The following EYA2 variants were observed in gnomAD, a reference collection of about 807,000 sequenced individuals.
EYA2 encodes the protein EYA transcriptional coactivator and phosphatase 2, also known as protein phosphatase EYA2.
EYA2 carries 31 observed loss-of-function variants against 69.2 expected under a neutral mutation model. The ratio of observed to expected loss-of-function variants is 0.45; its 90% CI spans 0.34 to 0.60. The LOEUF is 0.60. Among genes scored for constraint, EYA2 ranks in the 20% least tolerant of loss-of-function variants. The probability of loss-of-function intolerance (pLI) is 0.02; values close to 1 mark genes in which losing one functional copy is unlikely to be tolerated. For synonymous variants in EYA2, 257 were observed against 279.4 expected, an observed-to-expected ratio of 0.92 and a Z score of 0.80; for missense variants, 622 against 701.2, an observed-to-expected ratio of 0.89 and a Z score of 1.28.
chr20:47,143,687 G>A (rs1314776165), intron 10 of EYA2, among the ~76,000 whole-genome samples: 4 of 152,300 alleles, frequency 2.6e-5, no homozygotes, highest in East Asian at 1.9e-4. Context: ...GGAAAAAAGC[G>A]GGAGAGCAGC....
chr20:47,185,859 CCT>C (rs879574285), intron 15 of EYA2, among the ~76,000 whole-genome samples: 3 of 151,478 alleles, frequency 2.0e-5, no homozygotes, highest in African/African-American at 7.3e-5. Flanking sequence ...TCTTTTTTTC[CCT>C]CTCTCTCTTC....
chr20:47,125,521 A>AT (rs976750841), intron 9 of EYA2, among the ~76,000 whole-genome samples: 6 of 152,102 alleles, frequency 3.9e-5, no homozygotes, highest in African/African-American at 1.4e-4. Flanking sequence ...TCTAAAAAAA[A>AT]TTTTTTTAAA....
At position 47,172,839 on chromosome 20, in the gene EYA2, G is replaced by A. The variant is rs2034351688; in HGVS notation, c.1170G>A (p.Met390Ile). 6.2e-7 allele frequency: 1 copy of A among 1,613,576 alleles called. No individual in the cohort carries two copies. Among genetic ancestry groups the A allele is most frequent in the Non-Finnish European group, 8.5e-7 (1 of 1,179,734 alleles). The stretch of plus-strand genomic sequence containing the variant: ...TCCGCTACCGGCGGGTGAAGGAGAT[G>A]TACAATACCTACAAGAACAACGTTG... Reference protein sequence around the residue: ...LAFRYRRVKEMYNTYKNNVGG... With the variant: ...LAFRYRRVKEIYNTYKNNVGG... Residue 390 changes from methionine to isoleucine, a missense_variant, in exon 12 of 16, where the codon ATG becomes ATA. Physicochemically the swap from Met to Ile is conservative, Grantham distance 10. Coordinates refer to ENST00000327619, the MANE Select transcript of EYA2 (RefSeq NM_005244.5).
At chr20:47,071,960 G>A (rs926185884) in intron 5 of EYA2, 10 of 571,018 alleles carry the variant, frequency 1.8e-5, no homozygotes, top group Admixed American at 2.9e-5. Context: ...CCAGGAGGCC[G>A]TGGTGATGCT....
intron 5 of EYA2, among the ~76,000 whole-genome samples, chr20:47,066,331 C>CA (rs879918646): frequency 1.1e-3 from 152 of 141,400 alleles, no homozygotes; most frequent in Admixed American, 2.0e-3. Context: ...GACCTTGTCT[C>CA]AAAAAAAAAA....
intron 9 of EYA2, among the ~76,000 whole-genome samples, chr20:47,133,432 G>A (rs1440152549): frequency 2.0e-5 from 3 of 152,122 alleles, no homozygotes. Context: ...GCTAATTTAC[G>A]GATGTGACTG....
At chr20:47,116,576 T>C (rs561839963) in intron 9 of EYA2, among the ~76,000 whole-genome samples, 34 of 152,306 alleles carry the variant, frequency 2.2e-4, no homozygotes, top group Non-Finnish European at 4.7e-4. Context: ...CTCCTTTGGG[T>C]GTGACGATGT....
At chr20:47,039,963 C>T (rs998753855) in intron 5 of EYA2, among the ~76,000 whole-genome samples, 2 of 151,230 alleles carry the variant, frequency 1.3e-5, no homozygotes, top group Non-Finnish European at 2.9e-5. Flanking sequence ...GCCTCAGCCT[C>T]CCGAGTAGCT....
chr20:46,927,237 A>G (rs887782145), intron 1 of EYA2, among the ~76,000 whole-genome samples: 1 of 152,198 alleles, frequency 6.6e-6, no homozygotes, highest in Non-Finnish European at 1.5e-5. Flanking sequence ...TCCCTCAGTC[A>G]GGAAAATTAC....
At chr20:47,055,462 C>A (rs555290922) in intron 5 of EYA2, among the ~76,000 whole-genome samples, 1 of 152,278 alleles carries the variant, frequency 6.6e-6, no homozygotes, top group South Asian at 2.1e-4. Context: ...GTTTAAAAGC[C>A]TTTGTCTCTG....
intron 7 of EYA2, among the ~76,000 whole-genome samples, chr20:47,079,495 G>A (rs937489331): frequency 1.4e-4 from 21 of 151,972 alleles, no homozygotes; most frequent in African/African-American, 5.1e-4. Flanking sequence ...TCCTGCCCCC[G>A]ACCCCTTATA....
chr20:47,157,997 C>T (rs575756488), intron 10 of EYA2, among the ~76,000 whole-genome samples: 13 of 152,110 alleles, frequency 8.5e-5, no homozygotes, highest in African/African-American at 2.4e-4. Flanking sequence ...TTGCGGTCGT[C>T]GCTGCTGAAG....
chr20:46,944,571 T>TGAG (rs3092457), intron 1 of EYA2, among the ~76,000 whole-genome samples: 77,270 of 151,392 alleles, frequency 0.51, 19,937 homozygotes, highest in East Asian at 0.56. Flanking sequence ...CTCTCCAAAA[T>TGAG]GAGAAAAACA....
intron 1 of EYA2, among the ~76,000 whole-genome samples, chr20:46,969,627 A>G (rs1354675839): frequency 1.3e-5 from 2 of 152,186 alleles, no homozygotes; most frequent in African/African-American, 4.8e-5. Flanking sequence ...TCACTACCCA[A>G]GAAATCCCAG....
At chr20:47,091,316 A>G (rs1020524826) in intron 8 of EYA2, among the ~76,000 whole-genome samples, 3 of 152,116 alleles carry the variant, frequency 2.0e-5, no homozygotes, top group South Asian at 2.1e-4. Context: ...TTCATTGTCA[A>G]AGCCTGCAGT....
intron 1 of EYA2, chr20:46,978,672 GC>G (rs1600601978): frequency 3.7e-6 from 2 of 534,746 alleles, no homozygotes; most frequent in Non-Finnish European, 7.7e-6. Context: ...GCTGTCATTT[GC>G]TGCACAGAGA....
intron 5 of EYA2, among the ~76,000 whole-genome samples, chr20:47,026,420 G>T (rs1361597611): frequency 1.3e-5 from 2 of 151,708 alleles, no homozygotes; most frequent in Admixed American, 1.3e-4. Context: ...AGATTGACAG[G>T]TTCAACTACA....
intron 10 of EYA2, among the ~76,000 whole-genome samples, chr20:47,149,387 G>A (rs1313099376): frequency 6.6e-6 from 1 of 152,066 alleles, no homozygotes; most frequent in Non-Finnish European, 1.5e-5. Flanking sequence ...TCACACCACC[G>A]AAACTCTCTG....
chr20:47,152,017 G>A (rs1039378621), intron 10 of EYA2, among the ~76,000 whole-genome samples: 6 of 151,972 alleles, frequency 3.9e-5, no homozygotes, highest in African/African-American at 9.7e-5. Context: ...GTAGGTTAAC[G>A]TCGTCCATAC....
Sources: gnomAD v4.1 joint callset for allele counts (sites outside exome capture counted in the v4.1 genomes callset) on GRCh38, gnomAD v4.1.1 for gene constraint, MANE v1.5 for transcripts, NCBI Gene and HGNC (gene_info 2026-07-23, HGNC 2026-07-21) for gene names.